Variants in CERS6 observed in about 807,000 individuals in gnomAD.
CERS6 encodes the protein ceramide synthase 6, also known as LAG1 homolog, ceramide synthase 6.
CERS6 carries 26 observed loss-of-function variants against 56.8 expected under a neutral mutation model. The ratio of observed to expected loss-of-function variants is 0.46; its 90% CI spans 0.34 to 0.63. The LOEUF (loss-of-function observed/expected upper bound fraction) is 0.63. Among genes scored for constraint, CERS6 ranks in the 30% least tolerant of loss-of-function variants. CERS6 has a pLI of 0.01. For synonymous variants in CERS6, 164 were observed against 173.3 expected (o/e 0.95, Z 0.42); for missense variants, 415 against 467.5 (o/e 0.89, Z 1.04).
intron 3 of CERS6, among the ~76,000 whole-genome samples, chr2:168,591,095 G>A (rs1026801186): frequency 6.6e-6 from 1 of 152,156 alleles, no homozygotes; most frequent in Non-Finnish European, 1.5e-5. Context: ...GTCTTAATAT[G>A]TCTTTTATTA....
At chr2:168,611,073 T>C (rs771399822) in intron 3 of CERS6, among the ~76,000 whole-genome samples, 1 of 152,196 alleles carries the variant, frequency 6.6e-6, no homozygotes, top group Non-Finnish European at 1.5e-5. Context: ...CCTCTCAAAG[T>C]ACTGGGATTA....
At chr2:168,559,733 TC>T (rs1438941645) in intron 2 of CERS6, among the ~76,000 whole-genome samples, 13 of 66,280 alleles carry the variant, frequency 2.0e-4, no homozygotes, top group South Asian at 7.1e-4. Context: ...TAGAAAGGTA[TC>T]ATATATATAT....
At chr2:168,648,139 T>TCCTG (rs1177284836) in intron 4 of CERS6, among the ~76,000 whole-genome samples, 21 of 152,196 alleles carry the variant, frequency 1.4e-4, no homozygotes, top group Admixed American at 2.6e-4. Context: ...ATCCATCAGG[T>TCCTG]CCTGGGCTTT....
intron 1 of CERS6, among the ~76,000 whole-genome samples, chr2:168,537,175 A>G (rs1049468963): frequency 9.9e-5 from 15 of 152,232 alleles, no homozygotes; most frequent in Admixed American, 9.2e-4. Flanking sequence ...AGCAAAGTAT[A>G]AAGAAAGAGC....
At position 168,608,767 on chromosome 2, in the gene CERS6, G is replaced by T. The variant is rs1242432511; in HGVS notation, c.408-22218G>T. 2.0e-5 allele frequency among the ~76,000 whole-genome samples: 3 copies of T among 152,060 alleles called. No individual in the cohort carries two copies. In the East Asian group the frequency reaches 5.8e-4, roughly 29 times the overall value. ...GAGTTCTTTATACAAATCCTTTGTGGGTTTAATGACTTGCAAACATTTTCC... is the reference window on the plus strand; with the variant it reads ...GAGTTCTTTATACAAATCCTTTGTGTGTTTAATGACTTGCAAACATTTTCC... On this transcript the variant is annotated intron_variant, in intron 3 of 9. Coordinates refer to ENST00000305747, the MANE Select transcript of CERS6 (RefSeq NM_203463.3).
chr2:168,705,490 G>A (rs1283439571), intron 6 of CERS6, among the ~76,000 whole-genome samples: 2 of 152,178 alleles, frequency 1.3e-5, no homozygotes, highest in African/African-American at 2.4e-5. Context: ...GGAGTAGGAA[G>A]CTCAGGCAGT....
chr2:168,671,853 G>A (rs997105253), intron 4 of CERS6, among the ~76,000 whole-genome samples: 4 of 152,070 alleles, frequency 2.6e-5, no homozygotes, highest in Middle Eastern at 3.2e-3. Flanking sequence ...TCCAAACTAG[G>A]CTATTTCTAT....
chr2:168,521,018 A>C (rs2105356337), intron 1 of CERS6, among the ~76,000 whole-genome samples: 1 of 152,308 alleles, frequency 6.6e-6, no homozygotes, highest in East Asian at 1.9e-4. Context: ...AAAGCATGAA[A>C]ATGCTGTATT....
At chr2:168,620,796 T>C (rs1022604790) in intron 3 of CERS6, among the ~76,000 whole-genome samples, 1 of 149,372 alleles carries the variant, frequency 6.7e-6, no homozygotes, top group African/African-American at 2.5e-5. Context: ...AAGGTCTTGC[T>C]CTGTTGCCCA....
intron 3 of CERS6, among the ~76,000 whole-genome samples, chr2:168,625,402 G>C (rs1317374979): frequency 6.6e-6 from 1 of 152,144 alleles, no homozygotes; most frequent in Non-Finnish European, 1.5e-5. Context: ...CCTGGAAGTA[G>C]TTGATAAATT....
At chr2:168,688,330 A>G (rs763736780) in intron 4 of CERS6, among the ~76,000 whole-genome samples, 1 of 151,974 alleles carries the variant, frequency 6.6e-6, no homozygotes, top group Non-Finnish European at 1.5e-5. Flanking sequence ...ATTTTTTATC[A>G]ATGGAGGCAG....
Position 168,501,851 on chromosome 2 carries a change from A to G in CERS6, c.170+45233A>G, listed in dbSNP as rs146923351. ...ACTGCAAAGTTCAAACACACCAGATAGGAATGATTTTCCTAGGTAGTATTT... is the reference window on the plus strand; with the variant it reads ...ACTGCAAAGTTCAAACACACCAGATGGGAATGATTTTCCTAGGTAGTATTT... On this transcript the variant is annotated intron_variant, in intron 1 of 9. Transcript: ENST00000305747. 7.9e-4 allele frequency among the ~76,000 whole-genome samples: 121 copies of G among 152,338 alleles called. 1 individual carries two copies. In the East Asian group the frequency reaches 0.019, roughly 24 times the overall value.
chr2:168,545,107 A>ACATGTATTTGTAGAAACACACG (rs1558991698), intron 1 of CERS6, among the ~76,000 whole-genome samples: 8 of 151,300 alleles, frequency 5.3e-5, no homozygotes, highest in African/African-American at 1.2e-4. Flanking sequence ...AGAAACACAT[A>ACATGTATTTGTAGAAACACACG]CATGTATTTG....
chr2:168,476,124 A>C (rs1694064447), intron 1 of CERS6, among the ~76,000 whole-genome samples: 1 of 152,078 alleles, frequency 6.6e-6, no homozygotes, highest in Non-Finnish European at 1.5e-5. Context: ...AAAAGAGGTT[A>C]GCCTATCTTC....
chr2:168,547,141 A>T (rs1274838160), intron 1 of CERS6, among the ~76,000 whole-genome samples: 2 of 152,200 alleles, frequency 1.3e-5, no homozygotes, highest in African/African-American at 4.8e-5. Flanking sequence ...ATAGAGACAA[A>T]AATTGCCAAG....
At chr2:168,552,107 A>C (rs942981818) in intron 2 of CERS6, among the ~76,000 whole-genome samples, 1 of 152,106 alleles carries the variant, frequency 6.6e-6, no homozygotes, top group Non-Finnish European at 1.5e-5. Flanking sequence ...GATTTCCTAC[A>C]ATTTGTTTTT....
intron 6 of CERS6, among the ~76,000 whole-genome samples, chr2:168,696,830 G>A (rs541180298): frequency 2.0e-4 from 31 of 152,170 alleles, no homozygotes; most frequent in Non-Finnish European, 4.1e-4. Context: ...ATATATTTGA[G>A]AAGGACACAA....
Position 168,456,291 on chromosome 2 carries a change from C to T in CERS6, c.-158C>T, listed in dbSNP as rs527396612. Reference sequence around the variant, plus strand: ...AGAACCGGGGCTCGCCGCGAGCCTTCGAGAGCAGCGGCCGCGGAGGAGGCG... The same window carrying T: ...AGAACCGGGGCTCGCCGCGAGCCTTTGAGAGCAGCGGCCGCGGAGGAGGCG... On this transcript the variant is annotated 5_prime_UTR_variant, in exon 1 of 10. Coordinates refer to ENST00000305747, the MANE Select transcript of CERS6 (RefSeq NM_203463.3). This position sits in a 1 kb window ranked among gnomAD's most constrained non-coding sequence, Gnocchi z 4.1. 319 of 262,860 alleles carry T rather than the reference C, an allele frequency of 1.2e-3. 2 individuals carry two copies. Among genetic ancestry groups the T allele is most frequent in the Non-Finnish European group, 9.7e-4 (151 of 156,290 alleles). The allele number at this position is 262,860 out of a possible 1,614,324, so 16.3% of individuals were successfully genotyped here. A position where few individuals can be genotyped will look rare whatever the true frequency, so the allele number is the denominator to read the frequency against.
At chr2:168,758,504 G>A (rs1471249677) in intron 8 of CERS6, among the ~76,000 whole-genome samples, 1 of 152,166 alleles carries the variant, frequency 6.6e-6, no homozygotes, top group Non-Finnish European at 1.5e-5. Context: ...TAGGGGAGGA[G>A]CGGCGGAGGC....
Sources: allele counts gnomAD v4.1 joint callset (sites outside exome capture counted in the v4.1 genomes callset), GRCh38; gene constraint gnomAD v4.1.1; non-coding constraint Gnocchi (gnomAD v3.1); transcripts MANE v1.5; gene names NCBI Gene and HGNC (gene_info 2026-07-23, HGNC 2026-07-21).